The following ITFG1 variants were observed in gnomAD, a reference collection of about 807,000 sequenced individuals.
The protein encoded by ITFG1 is integrin alpha FG-GAP repeat containing 1, also known as T-cell immunomodulatory protein.
A neutral mutation model predicts 81.8 loss-of-function variants in ITFG1; 34 were observed. The observed-to-expected ratio is 0.42, with a 90% CI of 0.32 to 0.55. ITFG1 has a LOEUF of 0.55. ITFG1 is among the 20% of genes least tolerant of loss of function. The pLI is 0.17. For synonymous variants in ITFG1, 285 were observed against 270.6 expected (o/e 1.05, Z -0.52); for missense variants, 672 against 755.4 (o/e 0.89, Z 1.29).
At chr16:47,286,595 A>T (rs890196575) in intron 10 of ITFG1, among the ~76,000 whole-genome samples, 1 of 151,844 alleles carries the variant, frequency 6.6e-6, no homozygotes, top group Non-Finnish European at 1.5e-5. Context: ...AGCCAAGATC[A>T]TACCATTGCA....
At chr16:47,345,507 C>G (rs1361171449) in intron 8 of ITFG1, among the ~76,000 whole-genome samples, 2 of 152,214 alleles carry the variant, frequency 1.3e-5, no homozygotes, top group East Asian at 3.9e-4. Context: ...CCATGTTGGC[C>G]AGGCTGGTCT....
chr16:47,262,616 C>T (rs1157189453), intron 10 of ITFG1: 1 of 152,214 alleles, frequency 6.6e-6, no homozygotes, highest in Admixed American at 6.5e-5. Context: ...TAAGTCTGGT[C>T]ACAATTTCAA....
At chr16:47,168,545 GTTTTTTTTTTTT>G (rs758632507) in intron 14 of ITFG1, among the ~76,000 whole-genome samples, 2 of 117,652 alleles carry the variant, frequency 1.7e-5, no homozygotes, top group African/African-American at 3.3e-5. Flanking sequence ...CTAATTAAAA[GTTTTTTTTTTTT>G]TTTTTTTTTT....
chr16:47,459,795 T>C (rs905545360), intron 1 of ITFG1, among the ~76,000 whole-genome samples: 1 of 152,190 alleles, frequency 6.6e-6, no homozygotes, highest in African/African-American at 2.4e-5. Flanking sequence ...ACTCTCTGTA[T>C]CCAGTTTGGA....
chr16:47,210,332 G>C (rs1344658528), intron 14 of ITFG1, among the ~76,000 whole-genome samples: 1 of 152,034 alleles, frequency 6.6e-6, no homozygotes, highest in Non-Finnish European at 1.5e-5. Flanking sequence ...TGCTACCTAT[G>C]TATCTTCTTC....
At chr16:47,422,002 A>C (rs1437596028) in intron 6 of ITFG1, among the ~76,000 whole-genome samples, 2 of 152,236 alleles carry the variant, frequency 1.3e-5, no homozygotes, top group African/African-American at 4.8e-5. Flanking sequence ...TGCGAAGGAC[A>C]TGAACTCATC....
chr16:47,386,428 C>A (rs550712109), intron 6 of ITFG1, among the ~76,000 whole-genome samples: 1 of 152,130 alleles, frequency 6.6e-6, no homozygotes, highest in African/African-American at 2.4e-5. Context: ...TAACTTCTTG[C>A]GGGGCAGGCC....
chr16:47,322,833 T>C (rs1006918280), intron 8 of ITFG1, among the ~76,000 whole-genome samples: 3 of 152,234 alleles, frequency 2.0e-5, no homozygotes, highest in Admixed American at 1.3e-4. Flanking sequence ...CAAGTATATA[T>C]TGTTATTAAC....
At chr16:47,167,876 CTAT>C (rs1346159236) in intron 14 of ITFG1, among the ~76,000 whole-genome samples, 2 of 152,144 alleles carry the variant, frequency 1.3e-5, no homozygotes, top group Admixed American at 6.5e-5. Flanking sequence ...AACTATTTGG[CTAT>C]TATTGCTGCT....
intron 1 of ITFG1, among the ~76,000 whole-genome samples, chr16:47,459,887 T>A (rs1329634165): frequency 6.6e-6 from 1 of 152,166 alleles, no homozygotes; most frequent in African/African-American, 2.4e-5. Context: ...TGTAAGAGGT[T>A]CCTGCATCCC....
chr16:47,271,347 A>G (rs1306689731), intron 10 of ITFG1, among the ~76,000 whole-genome samples: 2 of 152,238 alleles, frequency 1.3e-5, no homozygotes, highest in Non-Finnish European at 2.9e-5. Flanking sequence ...CAAATGGCCA[A>G]CAAGTACGTG....
chr16:47,183,773 C>A (rs1025020296), intron 14 of ITFG1, among the ~76,000 whole-genome samples: 9 of 152,202 alleles, frequency 5.9e-5, no homozygotes, highest in Non-Finnish European at 7.3e-5. Context: ...AGCAACGGAA[C>A]AAAGCTGGAC....
At chr16:47,228,552 G>A (rs1965782677) in intron 13 of ITFG1, among the ~76,000 whole-genome samples, 1 of 152,008 alleles carries the variant, frequency 6.6e-6, no homozygotes, top group African/African-American at 2.4e-5. Flanking sequence ...TGTAGAGACA[G>A]GATCTCACTA....
intron 6 of ITFG1, among the ~76,000 whole-genome samples, chr16:47,394,048 C>T (rs1043279539): frequency 1.3e-5 from 2 of 152,168 alleles, no homozygotes; most frequent in African/African-American, 4.8e-5. Context: ...GCTAGAAATG[C>T]TTGTGAGCAA....
chr16:47,458,612 C>A (rs1969482458), intron 2 of ITFG1, among the ~76,000 whole-genome samples: 1 of 152,166 alleles, frequency 6.6e-6, no homozygotes, highest in Non-Finnish European at 1.5e-5. Flanking sequence ...ATAACTATTA[C>A]TTGAACATTT....
Position 47,293,028 on chromosome 16 carries a change from A to G in ITFG1, c.1070+18212T>C, listed in dbSNP as rs117474573. On this transcript the variant is annotated intron_variant, in intron 10 of 17. Transcript: ENST00000320640. ...GAGTAGTATTCCATGCTCTCTCTCT[A>G]TATATATATGATATATATATCATAT... Among the ~76,000 whole-genome samples the G allele has an allele frequency of 2.0e-4, 30 of 148,518 alleles. No homozygotes were observed. The East Asian group carries it at 5.9e-3, about 29-fold the overall frequency.
chr16:47,341,400 GAA>G (rs545419792), intron 8 of ITFG1, among the ~76,000 whole-genome samples: 1 of 64,358 alleles, frequency 1.6e-5, no homozygotes, highest in African/African-American at 6.0e-5. Context: ...CTGCGCCACT[GAA>G]AAAAAAAAAA....
intron 8 of ITFG1, among the ~76,000 whole-genome samples, chr16:47,347,875 T>C (rs1967882691): frequency 6.6e-6 from 1 of 152,190 alleles, no homozygotes; most frequent in Admixed American, 6.5e-5. Flanking sequence ...ACAGCAACAT[T>C]TGCTGATCAG....
At chr16:47,389,381 T>C (rs905141437) in intron 6 of ITFG1, among the ~76,000 whole-genome samples, 5 of 151,936 alleles carry the variant, frequency 3.3e-5, no homozygotes, top group African/African-American at 1.2e-4. Flanking sequence ...GCCCATAATA[T>C]ATAGAAATGT....
Sources: gnomAD v4.1 joint callset for allele counts (sites outside exome capture counted in the v4.1 genomes callset) on GRCh38, gnomAD v4.1.1 for gene constraint, MANE v1.5 for transcripts, NCBI Gene and HGNC (gene_info 2026-07-23, HGNC 2026-07-21) for gene names.